SUCLG2: variants seen among roughly 807,000 people sequenced by gnomAD.
The protein encoded by SUCLG2 is succinate-CoA ligase GDP-forming subunit beta.
SUCLG2 carries 42 observed loss-of-function variants against 47.9 expected under a neutral mutation model. The observed-to-expected ratio is 0.88, with a 90% confidence interval of 0.69 to 1.14. The LOEUF (loss-of-function observed/expected upper bound fraction) is 1.14, where lower values mean the gene tolerates loss of function less well. Ranked by LOEUF, SUCLG2 falls within the 50% of genes most tolerant of loss-of-function variation. The probability of loss-of-function intolerance (pLI) is 0.00; values close to 1 mark genes in which losing one functional copy is unlikely to be tolerated. For missense variants in SUCLG2, 571 were observed against 525.9 expected (o/e 1.09, Z -0.84); for synonymous variants, 195 against 197.3 (o/e 0.99, Z 0.10).
At chr3:67,384,188 G>A (rs753417529) in intron 10 of SUCLG2, among the ~76,000 whole-genome samples, 1 of 152,128 alleles carries the variant, frequency 6.6e-6, no homozygotes, top group Non-Finnish European at 1.5e-5. Context: ...TCCTTGGGAA[G>A]AAGTCAGATT....
intron 6 of SUCLG2, among the ~76,000 whole-genome samples, chr3:67,511,001 C>T (rs1705773180): frequency 1.3e-5 from 2 of 151,742 alleles, no homozygotes; most frequent in Admixed American, 1.3e-4. Context: ...AGCAATTCCC[C>T]TGCCTCAGCC....
chr3:67,509,146 C>T (rs1705719456), intron 6 of SUCLG2, among the ~76,000 whole-genome samples: 1 of 152,160 alleles, frequency 6.6e-6, no homozygotes, highest in Non-Finnish European at 1.5e-5. Context: ...TTCAGTACGG[C>T]CTAAAACGTT....
At chr3:67,408,074 G>C (rs1702855331) in intron 9 of SUCLG2, among the ~76,000 whole-genome samples, 1 of 152,138 alleles carries the variant, frequency 6.6e-6, no homozygotes, top group South Asian at 2.1e-4. Context: ...GGGCTTTGTT[G>C]TAATAATACA....
chr3:67,538,042 T>C (rs901940615), intron 2 of SUCLG2, among the ~76,000 whole-genome samples: 34 of 152,346 alleles, frequency 2.2e-4, no homozygotes, highest in African/African-American at 7.7e-4. Flanking sequence ...CGGATGGTAG[T>C]TTCTTTTGCT....
chr3:67,598,715 CT>C, intron 2 of SUCLG2, among the ~76,000 whole-genome samples: 1 of 152,202 alleles, frequency 6.6e-6, no homozygotes, highest in Non-Finnish European at 1.5e-5. Context: ...GTGGAACACA[CT>C]ATTTACCGTA....
At chr3:67,600,590 C>T (rs116229438) in intron 2 of SUCLG2, among the ~76,000 whole-genome samples, 111 of 152,322 alleles carry the variant, frequency 7.3e-4, no homozygotes, top group African/African-American at 2.4e-3. Context: ...ATTCTAAACA[C>T]TACTTTCAGA....
chr3:67,514,926 T>G (rs889135615), intron 6 of SUCLG2, among the ~76,000 whole-genome samples: 1 of 152,210 alleles, frequency 6.6e-6, no homozygotes, highest in Non-Finnish European at 1.5e-5. Context: ...CATCTGTTCC[T>G]GACATCCAGC....
At chr3:67,525,983 T>C (rs1163862551) in intron 4 of SUCLG2, among the ~76,000 whole-genome samples, 6 of 152,224 alleles carry the variant, frequency 3.9e-5, no homozygotes, top group Non-Finnish European at 2.9e-5. Flanking sequence ...TGTCTCTTCA[T>C]GCTGCTGTTA....
chr3:67,556,037 A>T (rs1207080582), intron 2 of SUCLG2, among the ~76,000 whole-genome samples: 1 of 152,220 alleles, frequency 6.6e-6, no homozygotes, highest in Non-Finnish European at 1.5e-5. Context: ...CCATGTGGAG[A>T]CACTGGATGG....
chr3:67,400,041 C>T (rs968213529), intron 10 of SUCLG2, among the ~76,000 whole-genome samples: 25 of 152,010 alleles, frequency 1.6e-4, no homozygotes, highest in African/African-American at 4.8e-4. Context: ...AACAAACAAA[C>T]GGACAAAACT....
chr3:67,391,464 T>C (rs1702380260), intron 10 of SUCLG2, among the ~76,000 whole-genome samples: 2 of 151,954 alleles, frequency 1.3e-5, no homozygotes, highest in Non-Finnish European at 2.9e-5. Flanking sequence ...TATTAAAGAG[T>C]TTAGAGGCAG....
chr3:67,555,398 A>T (rs1052670860), intron 2 of SUCLG2, among the ~76,000 whole-genome samples: 1 of 152,132 alleles, frequency 6.6e-6, no homozygotes, highest in African/African-American at 2.4e-5. Context: ...GTGTTTGTGT[A>T]TGTCTATACA....
intron 2 of SUCLG2, among the ~76,000 whole-genome samples, chr3:67,576,809 T>C (rs1264042629): frequency 6.6e-6 from 1 of 152,214 alleles, no homozygotes; most frequent in Non-Finnish European, 1.5e-5. Context: ...AGACAGAAAA[T>C]ACTACAGGTT....
At chr3:67,533,415 A>C (rs1450874776) in intron 2 of SUCLG2, among the ~76,000 whole-genome samples, 2 of 152,202 alleles carry the variant, frequency 1.3e-5, no homozygotes, top group East Asian at 3.9e-4. Flanking sequence ...CTGGAGCAAA[A>C]TTGGAATATC....
intron 10 of SUCLG2, among the ~76,000 whole-genome samples, chr3:67,387,596 G>A (rs900467513): frequency 2.6e-5 from 4 of 152,192 alleles, no homozygotes; most frequent in South Asian, 2.1e-4. Context: ...ATTTAAAGGA[G>A]TGCATCTTTT....
intron 1 of SUCLG2, among the ~76,000 whole-genome samples, chr3:67,633,024 T>C (rs1007800886): frequency 6.6e-6 from 1 of 152,216 alleles, no homozygotes; most frequent in African/African-American, 2.4e-5. Context: ...ATCCTTCATA[T>C]TGAGATATAA....
At chr3:67,598,525 C>T (rs954666911) in intron 2 of SUCLG2, among the ~76,000 whole-genome samples, 2 of 152,130 alleles carry the variant, frequency 1.3e-5, no homozygotes, top group African/African-American at 2.4e-5. Context: ...AGCTTAAATG[C>T]CAGATGAATC....
At chr3:67,385,210 G>A (rs1169772530) in intron 10 of SUCLG2, among the ~76,000 whole-genome samples, 1 of 152,220 alleles carries the variant, frequency 6.6e-6, no homozygotes, top group South Asian at 2.1e-4. Context: ...GGATATGCGA[G>A]TCCTGGTACC....
intron 1 of SUCLG2, among the ~76,000 whole-genome samples, chr3:67,652,082 A>G (rs1249084702): frequency 6.6e-6 from 1 of 152,156 alleles, no homozygotes; most frequent in African/African-American, 2.4e-5. Flanking sequence ...TATATGAAAA[A>G]TAAGAAATGA....
Sources: gnomAD v4.1 joint callset for allele counts (sites outside exome capture counted in the v4.1 genomes callset) on GRCh38, gnomAD v4.1.1 for gene constraint, MANE v1.5 for transcripts, NCBI Gene and HGNC (gene_info 2026-07-23, HGNC 2026-07-21) for gene names.